The following KIAA0753 variants were observed in gnomAD, a reference collection of about 807,000 sequenced individuals.
The protein encoded by KIAA0753 is protein moonraker.
In KIAA0753, 114 loss-of-function variants were observed where a neutral mutation model predicts 116.9. The observed-to-expected ratio is 0.98, with a 90% CI of 0.84 to 1.14. The LOEUF (loss-of-function observed/expected upper bound fraction) is 1.14. Ranked by LOEUF, KIAA0753 falls within the 50% of genes most tolerant of loss-of-function variation. KIAA0753 has a pLI of 0.00. For missense variants in KIAA0753, 1,156 were observed against 1,172.4 expected, an observed-to-expected ratio of 0.99 and a Z score of 0.20; for synonymous variants, 405 against 413.1, an observed-to-expected ratio of 0.98 and a Z score of 0.24.
chr17:6,582,652 T>C (rs1409649244), intron 18 of KIAA0753, among the ~76,000 whole-genome samples: 4 of 152,240 alleles, frequency 2.6e-5, no homozygotes, highest in African/African-American at 4.8e-5. Context: ...ATTTTCTATA[T>C]TTGTCTCTTT....
At position 6,635,002 on chromosome 17, in the gene KIAA0753, T is replaced by C; in HGVS notation, c.93+9A>G. On this transcript the variant is annotated intron_variant, in intron 2 of 18. Transcript: ENST00000361413. Reference sequence around the variant, plus strand: ...TAATAATAAAAATCTCAGGCAAAAATAGAACTACCTGGGTCTGAAGTACTT... The same window carrying C: ...TAATAATAAAAATCTCAGGCAAAAACAGAACTACCTGGGTCTGAAGTACTT... The C allele has an allele frequency of 3.2e-6, 5 of 1,545,212 alleles. No individual in the cohort carries two copies. The highest frequency in any genetic ancestry group is 4.5e-6 in the Non-Finnish European group (5 of 1,117,672).
intron 8 of KIAA0753, among the ~76,000 whole-genome samples, chr17:6,610,450 T>G (rs1597531085): frequency 1.3e-5 from 2 of 151,674 alleles, no homozygotes; most frequent in African/African-American, 4.8e-5. Context: ...ACAATTTGTT[T>G]CCTAATTAAA....
intron 16 of KIAA0753, 140 bp from the exon 17 acceptor site, chr17:6,590,770 G>A: frequency 2.8e-6 from 2 of 716,162 alleles, no homozygotes; most frequent in Non-Finnish European, 4.6e-6. Context: ...CAGTGCAATG[G>A]GAAAATGCTC....
intron 9 of KIAA0753, 68 bp from the exon 10 acceptor site, chr17:6,608,532 T>C (rs1347895402): frequency 5.0e-6 from 4 of 807,642 alleles, no homozygotes; most frequent in Non-Finnish European, 5.5e-6. Context: ...TCCAAGTAGG[T>C]GCCAGCTCAG....
intron 6 of KIAA0753, among the ~76,000 whole-genome samples, chr17:6,622,129 G>A (rs1971365158): frequency 6.6e-6 from 1 of 152,112 alleles, no homozygotes; most frequent in South Asian, 2.1e-4. Context: ...TTCTATTTGT[G>A]GATGAAAATG....
At chr17:6,589,697 G>T in intron 18 of KIAA0753, 82 bp downstream of exon 18, 1 of 1,042,778 alleles carries the variant, frequency 9.6e-7, no homozygotes. Context: ...ATAAGACCTT[G>T]GCTAATGCTT....
At chr17:6,580,937 T>C (rs1968133367) in intron 18 of KIAA0753, among the ~76,000 whole-genome samples, 1 of 125,098 alleles carries the variant, frequency 8.0e-6, no homozygotes, top group African/African-American at 3.3e-5. Flanking sequence ...CACACCTTCA[T>C]TTTCTGAACG....
chr17:6,598,061 G>A (rs1182368745), intron 14 of KIAA0753, among the ~76,000 whole-genome samples: 2 of 152,188 alleles, frequency 1.3e-5, no homozygotes, highest in Admixed American at 6.5e-5. Flanking sequence ...TAAACATCAT[G>A]TAATGCCTAC....
intron 18 of KIAA0753, among the ~76,000 whole-genome samples, chr17:6,581,930 C>T (rs896066581): frequency 1.3e-5 from 2 of 152,170 alleles, no homozygotes; most frequent in Admixed American, 1.3e-4. Flanking sequence ...TTCCAAGAAG[C>T]CCTCGTGCCT....
At chr17:6,594,269 A>G (rs1193938441) in intron 16 of KIAA0753, among the ~76,000 whole-genome samples, 1 of 99,988 alleles carries the variant, frequency 1.0e-5, no homozygotes, top group Non-Finnish European at 1.9e-5. Context: ...CACTCACTTC[A>G]GATTCTGACC....
At chr17:6,580,392 G>A in intron 18 of KIAA0753, among the ~76,000 whole-genome samples, 1 of 149,258 alleles carries the variant, frequency 6.7e-6, no homozygotes, top group East Asian at 2.0e-4. Flanking sequence ...TCGGCTCACT[G>A]CAAGCTCCGC....
intron 12 of KIAA0753, 77 bp from the exon 13 acceptor site, chr17:6,600,535 G>A: frequency 1.8e-6 from 2 of 1,105,520 alleles, no homozygotes; most frequent in Admixed American, 3.7e-5. Context: ...TGCCACTCCA[G>A]GAGAAGGGAA....
Position 6,579,973 on chromosome 17 carries a change from A to G in KIAA0753, c.2787-109T>C, listed in dbSNP as rs533087083. ...CAAGATGGACAGATCACCTGAGGTC[A>G]GGAGTTTGAGACCAGCCTGGCCAAC... is the stretch of plus-strand genomic sequence containing the variant. On this transcript the variant is annotated intron_variant, in intron 18 of 18. Transcript: ENST00000361413. 82 of 732,066 alleles carry G rather than the reference A, an allele frequency of 1.1e-4. No individual in the cohort carries two copies. The African/African-American group carries it at 1.1e-3, about 10-fold the overall frequency. The allele number at this position is 732,066 out of a possible 1,614,324, so 45.3% of individuals were successfully genotyped here.
At chr17:6,581,073 C>A (rs926948364) in intron 18 of KIAA0753, among the ~76,000 whole-genome samples, 1 of 152,206 alleles carries the variant, frequency 6.6e-6, no homozygotes. Flanking sequence ...ACAGGCCTAT[C>A]TATCTACAGG....
chr17:6,589,730 A>C (rs1968848568), intron 18 of KIAA0753, 49 bp downstream of exon 18: 1 of 1,463,194 alleles, frequency 6.8e-7, no homozygotes, highest in South Asian at 1.2e-5. Flanking sequence ...TCTAAGTCTA[A>C]AATTTTGCAA....
chr17:6,622,582 T>C (rs1971399239), intron 6 of KIAA0753, among the ~76,000 whole-genome samples: 2 of 152,258 alleles, frequency 1.3e-5, no homozygotes, highest in Admixed American at 6.5e-5. Context: ...TGCTAATAAA[T>C]TTTTTTCTCA....
intron 15 of KIAA0753, 80 bp from the exon 16 acceptor site, chr17:6,595,133 G>T: frequency 1.0e-5 from 10 of 993,648 alleles, no homozygotes; most frequent in Non-Finnish European, 1.4e-5. Flanking sequence ...AGATGTAAAA[G>T]TTCAGCAGAC....
At chr17:6,623,606 C>A (rs139010539) in intron 4 of KIAA0753, 35 bp from the exon 5 acceptor site, 2 of 1,589,562 alleles carry the variant, frequency 1.3e-6, no homozygotes, top group Non-Finnish European at 1.7e-6. Flanking sequence ...AAACTTCATA[C>A]CTTTCCATTG....
At chr17:6,633,028 G>A (rs948742182) in intron 2 of KIAA0753, among the ~76,000 whole-genome samples, 2 of 151,956 alleles carry the variant, frequency 1.3e-5, no homozygotes, top group African/African-American at 4.8e-5. Flanking sequence ...ATTACATGAT[G>A]GTATCGATTT....
Sources: gnomAD v4.1 joint callset for allele counts (sites outside exome capture counted in the v4.1 genomes callset) on GRCh38, gnomAD v4.1.1 for gene constraint, MANE v1.5 for transcripts, NCBI Gene and HGNC (gene_info 2026-07-23, HGNC 2026-07-21) for gene names.